LRRTM4: variants seen among roughly 807,000 people sequenced by gnomAD.
The protein encoded by LRRTM4 is leucine-rich repeat transmembrane neuronal protein 4.
LRRTM4 carries 25 observed loss-of-function variants against 47.6 expected under a neutral mutation model. That is an observed-to-expected ratio of 0.53 (90% CI 0.38 to 0.73). The LOEUF is 0.73. Among genes scored for constraint, LRRTM4 ranks in the 30% least tolerant of loss-of-function variants. The probability of loss-of-function intolerance (pLI) is 0.00; values close to 1 mark genes in which losing one functional copy is unlikely to be tolerated. For missense variants in LRRTM4, 638 were observed against 713.4 expected (o/e 0.89, Z 1.20); for synonymous variants, 311 against 269.5 (o/e 1.15, Z -1.51).
chr2:77,467,173 G>A (rs1677013432), intron 3 of LRRTM4, among the ~76,000 whole-genome samples: 1 of 152,066 alleles, frequency 6.6e-6, no homozygotes, highest in African/African-American at 2.4e-5. Flanking sequence ...GAATACGTGT[G>A]GTTAAAAGAT....
chr2:76,967,884 G>C (rs1043403567), intron 3 of LRRTM4, among the ~76,000 whole-genome samples: 1 of 151,078 alleles, frequency 6.6e-6, no homozygotes, highest in African/African-American at 2.4e-5. Flanking sequence ...TCTGGCTAAT[G>C]GGCTTGAAGT....
chr2:76,771,641 G>GAAA (rs748214529), intron 3 of LRRTM4, among the ~76,000 whole-genome samples: 3 of 69,656 alleles, frequency 4.3e-5, no homozygotes, highest in African/African-American at 1.8e-4. Flanking sequence ...CAGGTGAACA[G>GAAA]AAAAAAAAAA....
intron 3 of LRRTM4, among the ~76,000 whole-genome samples, chr2:76,998,005 A>G (rs1013906603): frequency 3.3e-5 from 5 of 152,050 alleles, no homozygotes; most frequent in Non-Finnish European, 7.4e-5. Context: ...TTACAGAAAA[A>G]CAAGTTCAGG....
intron 3 of LRRTM4, among the ~76,000 whole-genome samples, chr2:76,956,154 AAAG>A (rs768691984): frequency 2.6e-5 from 4 of 151,720 alleles, no homozygotes; most frequent in Non-Finnish European, 5.9e-5. Context: ...AATGATAACC[AAAG>A]AAGAATAGAG....
At chr2:77,181,999 G>A (rs936122462) in intron 3 of LRRTM4, among the ~76,000 whole-genome samples, 4 of 152,128 alleles carry the variant, frequency 2.6e-5, no homozygotes, top group African/African-American at 9.6e-5. Flanking sequence ...CAACAGTTGT[G>A]GAAGACAGTG....
intron 3 of LRRTM4, among the ~76,000 whole-genome samples, chr2:77,342,708 G>C (rs1316421259): frequency 6.6e-6 from 1 of 151,910 alleles, no homozygotes; most frequent in Non-Finnish European, 1.5e-5. Flanking sequence ...GTCAAAGCTA[G>C]ATGGTGTAGG....
At chr2:77,034,455 C>T (rs751453285) in intron 3 of LRRTM4, among the ~76,000 whole-genome samples, 1 of 151,832 alleles carries the variant, frequency 6.6e-6, no homozygotes, top group Non-Finnish European at 1.5e-5. Flanking sequence ...TAATCTTGCT[C>T]AATTTTTAAA....
rs560699715 is a variant in LRRTM4 at position 77,161,673 on chromosome 2, G to A, written c.1551+356645C>T. ...AAAACATCCACATATAAGTGGATACGTGCAGTTCAAACCCATGTTGTTCAG... is the reference window on the plus strand; with the variant it reads ...AAAACATCCACATATAAGTGGATACATGCAGTTCAAACCCATGTTGTTCAG... On this transcript the variant is annotated intron_variant, in intron 3 of 3. Transcript: ENST00000409884. Among the ~76,000 whole-genome samples, 256 of 152,208 alleles carry A rather than the reference G, an allele frequency of 1.7e-3. 1 individual carries two copies. The highest frequency in any genetic ancestry group is 2.7e-3 in the Non-Finnish European group (187 of 68,020).
chr2:76,892,270 G>C (rs1446879211), intron 3 of LRRTM4, among the ~76,000 whole-genome samples: 1 of 151,452 alleles, frequency 6.6e-6, no homozygotes, highest in Non-Finnish European at 1.5e-5. Context: ...ATTTCCAATG[G>C]TAAGAAGCTG....
intron 3 of LRRTM4, among the ~76,000 whole-genome samples, chr2:76,974,429 T>C (rs1228646224): frequency 6.6e-6 from 1 of 150,862 alleles, no homozygotes; most frequent in Admixed American, 6.6e-5. Flanking sequence ...GCACTGATTA[T>C]ATTATTATTG....
chr2:77,339,025 C>T (rs1671269798), intron 3 of LRRTM4, among the ~76,000 whole-genome samples: 1 of 151,764 alleles, frequency 6.6e-6, no homozygotes, highest in Admixed American at 6.6e-5. Flanking sequence ...CGCATGTTCC[C>T]ATTTATGAGT....
chr2:77,071,746 G>C (rs1680160739), intron 3 of LRRTM4, among the ~76,000 whole-genome samples: 1 of 152,098 alleles, frequency 6.6e-6, no homozygotes, highest in East Asian at 1.9e-4. Flanking sequence ...CCCATTCATG[G>C]GGATGTATGC....
At chr2:77,018,216 A>G (rs376131165) in intron 3 of LRRTM4, among the ~76,000 whole-genome samples, 7 of 149,058 alleles carry the variant, frequency 4.7e-5, no homozygotes, top group South Asian at 2.1e-4. Flanking sequence ...TTTTTTTTCA[A>G]AAGTACATTT....
chr2:76,803,925 A>G (rs1675833415), intron 3 of LRRTM4, among the ~76,000 whole-genome samples: 1 of 152,216 alleles, frequency 6.6e-6, no homozygotes, highest in South Asian at 2.1e-4. Context: ...ACTAGCACGC[A>G]ACAAAAACTT....
chr2:76,895,778 A>G (rs923026619), intron 3 of LRRTM4, among the ~76,000 whole-genome samples: 1 of 145,866 alleles, frequency 6.9e-6, no homozygotes, highest in African/African-American at 2.8e-5. Flanking sequence ...GTTTTTTATA[A>G]AAAATTAAGA....
intron 3 of LRRTM4, among the ~76,000 whole-genome samples, chr2:77,116,731 C>T (rs1307401283): frequency 1.3e-5 from 2 of 151,776 alleles, no homozygotes; most frequent in Non-Finnish European, 1.5e-5. Flanking sequence ...TCCATTTTTT[C>T]CCAAATACAG....
At chr2:77,492,848 C>A (rs912343933) in intron 3 of LRRTM4, among the ~76,000 whole-genome samples, 1 of 151,932 alleles carries the variant, frequency 6.6e-6, no homozygotes, top group Non-Finnish European at 1.5e-5. Context: ...AAATTGTCCC[C>A]TAGATATAAA....
intron 3 of LRRTM4, among the ~76,000 whole-genome samples, chr2:77,432,480 T>C (rs901116521): frequency 1.3e-5 from 2 of 152,244 alleles, no homozygotes; most frequent in Non-Finnish European, 2.9e-5. Flanking sequence ...TATATATTGT[T>C]TATTAAACTT....
chr2:76,787,832 T>TTCATCTCACCAGTCCTTTAGGCAAA (rs1295757982), intron 3 of LRRTM4, among the ~76,000 whole-genome samples: 1 of 152,110 alleles, frequency 6.6e-6, no homozygotes, highest in East Asian at 1.9e-4. Flanking sequence ...TTTCTGTCAG[T>TTCATCTCACCAGTCCTTTAGGCAAA]TCATCTCACC....
Sources: gnomAD v4.1 joint callset for allele counts (sites outside exome capture counted in the v4.1 genomes callset) on GRCh38, gnomAD v4.1.1 for gene constraint, MANE v1.5 for transcripts, NCBI Gene and HGNC (gene_info 2026-07-23, HGNC 2026-07-21) for gene names.